Variants in ZNF385D observed in about 807,000 individuals in gnomAD.
The protein encoded by ZNF385D is zinc finger protein 385D.
Under a neutral mutation model 35.8 loss-of-function variants are expected in ZNF385D, and 15 were observed. That is an observed-to-expected ratio of 0.42 (90% confidence interval 0.28 to 0.64). The LOEUF (loss-of-function observed/expected upper bound fraction) is 0.64. Among genes scored for constraint, ZNF385D ranks in the 30% least tolerant of loss-of-function variants. The probability of loss-of-function intolerance (pLI) is 0.23; values close to 1 mark genes in which losing one functional copy is unlikely to be tolerated. For synonymous variants in ZNF385D, 212 were observed against 186.8 expected (o/e 1.13, Z -1.10); for missense variants, 474 against 494.6 (o/e 0.96, Z 0.39).
intron 2 of ZNF385D, among the ~76,000 whole-genome samples, chr3:22,223,700 A>G (rs1359327102): frequency 1.3e-5 from 2 of 152,160 alleles, no homozygotes; most frequent in African/African-American, 2.4e-5. Context: ...TGCACAAGAC[A>G]AAGAAACAAA....
intron 1 of ZNF385D, among the ~76,000 whole-genome samples, chr3:21,724,708 A>G (rs904741433): frequency 1.3e-5 from 2 of 151,984 alleles, no homozygotes; most frequent in African/African-American, 2.4e-5. Context: ...TTACAAAGAG[A>G]CTTAAACTCC....
chr3:21,975,702 A>AAT (rs56303677), intron 3 of ZNF385D, among the ~76,000 whole-genome samples: 92 of 123,820 alleles, frequency 7.4e-4, no homozygotes, highest in East Asian at 2.6e-3. Context: ...GTACCCACGA[A>AAT]ATATATATAT....
intron 3 of ZNF385D, among the ~76,000 whole-genome samples, chr3:21,822,266 G>T (rs1694301105): frequency 6.6e-6 from 1 of 151,834 alleles, no homozygotes; most frequent in Non-Finnish European, 1.5e-5. Context: ...TAGAGGCGGG[G>T]TTTCACCGTG....
At chr3:21,449,323 A>G (rs1488554019) in intron 4 of ZNF385D, among the ~76,000 whole-genome samples, 1 of 152,038 alleles carries the variant, frequency 6.6e-6, no homozygotes, top group Non-Finnish European at 1.5e-5. Flanking sequence ...CTGACCTCTC[A>G]AAGGATGCTG....
At chr3:21,790,919 G>A (rs561095770) in intron 3 of ZNF385D, among the ~76,000 whole-genome samples, 2 of 152,136 alleles carry the variant, frequency 1.3e-5, no homozygotes, top group South Asian at 2.1e-4. Flanking sequence ...TTCTCTTCCT[G>A]CTTCCTAAGT....
intron 3 of ZNF385D, among the ~76,000 whole-genome samples, chr3:21,992,859 C>G (rs1281259114): frequency 1.3e-5 from 2 of 152,122 alleles, no homozygotes; most frequent in Non-Finnish European, 1.5e-5. Flanking sequence ...ATGTGTAAAT[C>G]TTAGTATGCA....
chr3:22,348,485 T>TAAAAAA (rs1168729541), intron 2 of ZNF385D, among the ~76,000 whole-genome samples: 40 of 84,854 alleles, frequency 4.7e-4, no homozygotes, highest in African/African-American at 2.2e-3. Flanking sequence ...CCATCTCTAC[T>TAAAAAA]AAAAAAAAAA....
intron 3 of ZNF385D, among the ~76,000 whole-genome samples, chr3:21,888,299 T>C (rs1028221298): frequency 2.0e-5 from 3 of 152,030 alleles, no homozygotes; most frequent in African/African-American, 4.8e-5. Context: ...TTTTATATTG[T>C]GGTATATTGC....
At chr3:22,249,257 A>T (rs1324210746) in intron 2 of ZNF385D, among the ~76,000 whole-genome samples, 1 of 152,174 alleles carries the variant, frequency 6.6e-6, no homozygotes, top group East Asian at 1.9e-4. Context: ...TTACATTGCA[A>T]TACACAACCA....
intron 3 of ZNF385D, among the ~76,000 whole-genome samples, chr3:21,862,155 T>C (rs1697087968): frequency 6.6e-6 from 1 of 152,108 alleles, no homozygotes; most frequent in Admixed American, 6.6e-5. Context: ...CTTTTCCATA[T>C]TGATATCAAA....
intron 3 of ZNF385D, among the ~76,000 whole-genome samples, chr3:22,094,616 T>C (rs1276141843): frequency 6.6e-6 from 1 of 151,732 alleles, no homozygotes; most frequent in East Asian, 1.9e-4. Flanking sequence ...TTTGAGGACA[T>C]CTCAGCCATC....
chr3:22,086,614 G>A (rs1701059167), intron 3 of ZNF385D, among the ~76,000 whole-genome samples: 1 of 152,148 alleles, frequency 6.6e-6, no homozygotes, highest in Admixed American at 6.6e-5. Flanking sequence ...CATGAAAATG[G>A]TCATAATACC....
chr3:21,998,703 T>C (rs34651001), intron 3 of ZNF385D, among the ~76,000 whole-genome samples: 25,224 of 152,206 alleles, frequency 0.17, 2,277 homozygotes, highest in Middle Eastern at 0.22. Flanking sequence ...TTTAAAAATA[T>C]TTTGAGAATG....
chr3:21,798,588 G>T (rs977884492), intron 3 of ZNF385D, among the ~76,000 whole-genome samples: 1 of 152,054 alleles, frequency 6.6e-6, no homozygotes, highest in Non-Finnish European at 1.5e-5. Flanking sequence ...TCTCCTTTTT[G>T]ATTAACTCAG....
At chr3:21,521,402 A>G (rs1707894288) in intron 3 of ZNF385D, among the ~76,000 whole-genome samples, 1 of 152,222 alleles carries the variant, frequency 6.6e-6, no homozygotes, top group Non-Finnish European at 1.5e-5. Flanking sequence ...TCTTGTAGGT[A>G]CTGATGAATT....
intron 3 of ZNF385D, among the ~76,000 whole-genome samples, chr3:22,072,812 C>A (rs977393583): frequency 2.1e-4 from 32 of 151,872 alleles, no homozygotes; most frequent in Admixed American, 2.1e-3. Flanking sequence ...GGAAACAGAA[C>A]AAAAGGAAAG....
At chr3:21,614,137 CAG>C (rs1429179824) in intron 2 of ZNF385D, among the ~76,000 whole-genome samples, 6 of 152,188 alleles carry the variant, frequency 3.9e-5, no homozygotes, top group Admixed American at 6.5e-5. Context: ...GCTTTACTAA[CAG>C]AAATTCATTT....
intron 1 of ZNF385D, among the ~76,000 whole-genome samples, chr3:21,696,625 C>G (rs993031593): frequency 5.3e-5 from 8 of 152,192 alleles, no homozygotes; most frequent in Admixed American, 5.2e-4. Context: ...ACTGTGTATC[C>G]ACACAACATA....
At chr3:22,173,764 C>T (rs573023961) in intron 2 of ZNF385D, among the ~76,000 whole-genome samples, 2 of 152,156 alleles carry the variant, frequency 1.3e-5, no homozygotes, top group African/African-American at 2.4e-5. Flanking sequence ...TACAAACTTA[C>T]AATGGAAAGG....
Sources: gnomAD v4.1 joint callset for allele counts (sites outside exome capture counted in the v4.1 genomes callset) on GRCh38, gnomAD v4.1.1 for gene constraint, MANE v1.5 for transcripts, NCBI Gene and HGNC (gene_info 2026-07-23, HGNC 2026-07-21) for gene names.